The following INPP5A variants were observed in gnomAD, a reference collection of about 807,000 sequenced individuals.
The protein encoded by INPP5A is inositol polyphosphate-5-phosphatase A, also known as 43 kDa inositol polyphosphate 5-phophatase.
A neutral mutation model predicts 65.2 loss-of-function variants in INPP5A; 14 were observed. The observed-to-expected ratio is 0.21, with a 90% CI of 0.14 to 0.34. INPP5A has a LOEUF of 0.34. INPP5A is among the 10% of genes least tolerant of loss of function. The pLI is 1.00. For missense variants in INPP5A, 431 were observed against 545.6 expected, an observed-to-expected ratio of 0.79 and a Z score of 2.09; for synonymous variants, 207 against 208.3, an observed-to-expected ratio of 0.99 and a Z score of 0.05.
rs966963145 is a variant in INPP5A, at chr10:132,675,901, A to G, written c.307-14491A>G. On this transcript the variant is annotated intron_variant, in intron 4 of 15. Transcript: ENST00000368594. The surrounding 1 kb of genome is among the most constrained non-coding windows in gnomAD (Gnocchi z 4.2). ...AAGTGCATTTTACTTTAATTATTCTATATCCATAATGCACATAACCAGTTT... is the reference window on the plus strand; with the variant it reads ...AAGTGCATTTTACTTTAATTATTCTGTATCCATAATGCACATAACCAGTTT... Among the ~76,000 whole-genome samples, 4 of 152,196 alleles carry G rather than the reference A, an allele frequency of 2.6e-5. No individual in the cohort carries two copies. The highest frequency in any genetic ancestry group is 5.9e-5 in the Non-Finnish European group (4 of 68,034).
Position 132,538,185 on chromosome 10 carries a change from G to A in INPP5A, c.75+14G>A, listed in dbSNP as rs1003661653. 7.9e-7 allele frequency: 1 copy of A among 1,270,910 alleles called. No individual in the cohort carries two copies. The highest frequency in any genetic ancestry group is 3.8e-5 in the Admixed American group (1 of 26,596). 78.7% of individuals were successfully genotyped at this position (1,270,910 alleles called of 1,614,324 possible). On this transcript the variant is annotated intron_variant, in intron 1 of 15. Coordinates refer to ENST00000368594, the MANE Select transcript of INPP5A (RefSeq NM_005539.5). This position sits in a 1 kb window ranked among gnomAD's most constrained non-coding sequence, Gnocchi z 4.1. ...CTCTTCGACGACGTAAGTCCCCCGT[G>A]CCGGCGGCAGGCCCCAAGCCCGGAA...
At chr10:132,611,447 C>CA (rs2071948489) in intron 2 of INPP5A, among the ~76,000 whole-genome samples, 1 of 133,200 alleles carries the variant, frequency 7.5e-6, no homozygotes, top group Non-Finnish European at 1.6e-5. Flanking sequence ...GAGGCCCTGT[C>CA]TGAGGAGGGT....
intron 1 of INPP5A, among the ~76,000 whole-genome samples, chr10:132,562,020 G>A (rs1366306718): frequency 6.6e-6 from 1 of 152,228 alleles, no homozygotes; most frequent in Non-Finnish European, 1.5e-5. Context: ...ACTCATGTCT[G>A]CAGTTTAAGT....
At chr10:132,623,347 C>A (rs998844614) in intron 2 of INPP5A, among the ~76,000 whole-genome samples, 2 of 150,482 alleles carry the variant, frequency 1.3e-5, no homozygotes, top group Admixed American at 6.6e-5. Flanking sequence ...CTCACACATA[C>A]AGTTAGGATT....
intron 1 of INPP5A, among the ~76,000 whole-genome samples, chr10:132,571,748 T>C (rs1234009928): frequency 1.3e-5 from 2 of 152,124 alleles, no homozygotes; most frequent in African/African-American, 4.8e-5. Flanking sequence ...ACCTATCATC[T>C]CCACAGCCCT....
At chr10:132,621,007 G>A (rs35754330) in intron 2 of INPP5A, among the ~76,000 whole-genome samples, 368 of 152,300 alleles carry the variant, frequency 2.4e-3, no homozygotes, top group Non-Finnish European at 3.5e-3. Flanking sequence ...TCAACTGATT[G>A]AGGAAGAAAA....
intron 2 of INPP5A, among the ~76,000 whole-genome samples, chr10:132,638,203 C>T (rs1168075095): frequency 2.6e-5 from 4 of 152,116 alleles, no homozygotes; most frequent in Non-Finnish European, 4.4e-5. Flanking sequence ...TTTTTCTCTT[C>T]TTCGTTGGTA....
Position 132,627,911 on chromosome 10 carries a change from G to A in INPP5A, c.118-17957G>A, listed in dbSNP as rs1220921781. Among the ~76,000 whole-genome samples, 1 of 152,162 alleles carries A rather than the reference G, an allele frequency of 6.6e-6. No homozygotes were observed. The highest frequency in any genetic ancestry group is 1.9e-4 in the East Asian group (1 of 5,190). On this transcript the variant is annotated intron_variant, in intron 2 of 15. Transcript: ENST00000368594. The surrounding 1 kb of genome is among the most constrained non-coding windows in gnomAD (Gnocchi z 6.6). ...GCCCAGGCTGGAGTGGCGGCGTCGG[G>A]TGTGGAGAGAAACTGGAGATAAGGG...
At chr10:132,671,118 CCTT>C in intron 4 of INPP5A, among the ~76,000 whole-genome samples, 1 of 152,164 alleles carries the variant, frequency 6.6e-6, no homozygotes, top group Non-Finnish European at 1.5e-5. Flanking sequence ...GTGGCCCACT[CCTT>C]CTGGAGTGAG....
At chr10:132,673,622 C>T (rs763560532) in intron 4 of INPP5A, among the ~76,000 whole-genome samples, 2 of 152,178 alleles carry the variant, frequency 1.3e-5, no homozygotes, top group Non-Finnish European at 2.9e-5. Flanking sequence ...CTTCTTTAGC[C>T]ATAAAGTGAG....
chr10:132,763,518 T>C (rs1259032746), intron 11 of INPP5A, among the ~76,000 whole-genome samples: 1 of 152,070 alleles, frequency 6.6e-6, no homozygotes, highest in Non-Finnish European at 1.5e-5. Context: ...TGCATACACA[T>C]AAACACGTGC....
At chr10:132,742,147 C>T (rs116007980) in intron 9 of INPP5A, among the ~76,000 whole-genome samples, 245 of 152,328 alleles carry the variant, frequency 1.6e-3, no homozygotes, top group African/African-American at 5.5e-3. Context: ...CAGATAGGGC[C>T]GAGGAGAGAT....
chr10:132,670,678 G>C (rs2072878273), intron 4 of INPP5A, among the ~76,000 whole-genome samples: 1 of 151,634 alleles, frequency 6.6e-6, no homozygotes, highest in African/African-American at 2.4e-5. Flanking sequence ...AGGTCCCAGT[G>C]GGGAGCCTGT....
At chr10:132,692,470 A>G (rs1212525181) in intron 5 of INPP5A, among the ~76,000 whole-genome samples, 1 of 152,236 alleles carries the variant, frequency 6.6e-6, no homozygotes, top group Non-Finnish European at 1.5e-5. Context: ...GATAAATGCC[A>G]GAAAGTCAAC....
rs1265996772 is a variant in INPP5A, at chr10:132,546,174, G to A, written c.75+8003G>A. On this transcript the variant is annotated intron_variant, in intron 1 of 15. Transcript: ENST00000368594. The surrounding 1 kb of genome is among the most constrained non-coding windows in gnomAD (Gnocchi z 5.7). ...GATGTGGAAGCCACCAGTCGTCCTGGGTGGGTTGGGGCTGGACACCACTTC... is the reference window on the plus strand; with the variant it reads ...GATGTGGAAGCCACCAGTCGTCCTGAGTGGGTTGGGGCTGGACACCACTTC... 6.6e-6 allele frequency among the ~76,000 whole-genome samples: 1 copy of A among 152,238 alleles called. No homozygotes were observed. Among genetic ancestry groups the A allele is most frequent in the Non-Finnish European group, 1.5e-5 (1 of 68,042 alleles).
At chr10:132,655,093 C>T (rs1157507047) in intron 4 of INPP5A, among the ~76,000 whole-genome samples, 4 of 152,230 alleles carry the variant, frequency 2.6e-5, no homozygotes, top group African/African-American at 9.6e-5. Flanking sequence ...GCAGAAGGCC[C>T]CAGGAGGTGC....
chr10:132,703,326 ACCG>A lies in INPP5A; in HGVS notation c.475-4985_475-4983del, dbSNP rs200981617. Among the ~76,000 whole-genome samples the A allele has an allele frequency of 4.8e-3, 734 of 152,080 alleles. 5 individuals are homozygous for A. The highest frequency in any genetic ancestry group is 0.017 in the African/African-American group (697 of 41,444). On this transcript the variant is annotated intron_variant, in intron 6 of 15. Transcript: ENST00000368594. ...GGTGCCTGTCTTCCCATCCATGTTG[ACCG>A]CAGGTTTCTCACCCGCCAGCCGCAG...
chr10:132,663,079 G>A lies in INPP5A; in HGVS notation c.306+12574G>A, dbSNP rs896602035. Among the ~76,000 whole-genome samples the A allele has an allele frequency of 5.3e-5, 8 of 152,304 alleles. No homozygotes were observed. Among genetic ancestry groups the A allele is most frequent in the South Asian group, 2.1e-4 (1 of 4,824 alleles). On this transcript the variant is annotated intron_variant, in intron 4 of 15. Transcript: ENST00000368594. The surrounding 1 kb of genome is among the most constrained non-coding windows in gnomAD (Gnocchi z 4.5). ...TACTTCCATCAGCAGCTGGCCCCTC[G>A]AACGGACTGTGCACACCACTGTGTG... is the stretch of plus-strand genomic sequence containing the variant.
chr10:132,744,942 G>A (rs1846341939), intron 9 of INPP5A, among the ~76,000 whole-genome samples: 1 of 152,208 alleles, frequency 6.6e-6, no homozygotes, highest in Non-Finnish European at 1.5e-5. Flanking sequence ...CGAAAGTGCT[G>A]TCCTGGGCCC....
Sources: gnomAD v4.1 joint callset for allele counts (sites outside exome capture counted in the v4.1 genomes callset) on GRCh38, gnomAD v4.1.1 for gene constraint, Gnocchi (gnomAD v3.1) non-coding constraint, MANE v1.5 for transcripts, NCBI Gene and HGNC (gene_info 2026-07-23, HGNC 2026-07-21) for gene names.